Variants in LARGE1 observed in about 807,000 individuals in gnomAD.
LARGE1 encodes LARGE xylosyl- and glucuronyltransferase 1.
In LARGE1, 43 loss-of-function variants were observed where a neutral mutation model predicts 87.6. The ratio of observed to expected loss-of-function variants is 0.49; its 90% CI spans 0.38 to 0.63. The LOEUF (loss-of-function observed/expected upper bound fraction) is 0.63. LARGE1 is among the 30% of genes least tolerant of loss of function. LARGE1 has a pLI of 0.00. For missense variants in LARGE1, 802 were observed against 1,000.2 expected, an observed-to-expected ratio of 0.80 and a Z score of 2.67; for synonymous variants, 434 against 394.6, an observed-to-expected ratio of 1.10 and a Z score of -1.18.
chr22:33,827,332 T>C (rs908165861), intron 1 of LARGE1, among the ~76,000 whole-genome samples: 1 of 152,038 alleles, frequency 6.6e-6, no homozygotes, highest in South Asian at 2.1e-4. Flanking sequence ...ATCGCACTAC[T>C]GTACTCCAGC....
At chr22:33,124,342 GAC>G in the LARGE1 span, among the ~76,000 whole-genome samples, 354 of 40,222 alleles carry the variant, frequency 8.8e-3, 2 homozygotes, top group African/African-American at 0.041. Flanking sequence ...GAGACAAAGA[GAC>G]AAAGAAAGGA....
intron 7 of LARGE1, among the ~76,000 whole-genome samples, chr22:33,403,446 G>A (rs1385637214): frequency 6.6e-6 from 1 of 152,164 alleles, no homozygotes; most frequent in African/African-American, 2.4e-5. Flanking sequence ...AGGGAGTAGT[G>A]TCTCCTTATT....
chr22:33,904,903 T>G (rs1438786463), intron 1 of LARGE1, among the ~76,000 whole-genome samples: 1 of 152,026 alleles, frequency 6.6e-6, no homozygotes, highest in Non-Finnish European at 1.5e-5. Context: ...GGGCAATGTA[T>G]GAGCTTTAGG....
chr22:33,525,912 C>T (rs1463457226), intron 6 of LARGE1, among the ~76,000 whole-genome samples: 3 of 152,138 alleles, frequency 2.0e-5, no homozygotes, highest in African/African-American at 4.8e-5. Context: ...CAACATATTA[C>T]CCGGCAGCCC....
chr22:33,676,372 C>CAAAAAAAA lies in LARGE1; in HGVS notation c.107-25712_107-25705dup, dbSNP rs10567981. ...ACATCATATGTTACAGATTCAATGG[C>CAAAAAAAA]AAAAAAAAAAAAAAAAAAAAAAAAA... On this transcript the variant is annotated intron_variant, in intron 2 of 14. Coordinates refer to ENST00000397394, the MANE Select transcript of LARGE1 (RefSeq NM_133642.5). 1.9e-3 allele frequency among the ~76,000 whole-genome samples: 31 copies of CAAAAAAAA among 16,304 alleles called. 8 individuals carry two copies. Among genetic ancestry groups the CAAAAAAAA allele is most frequent in the South Asian group, 5.7e-3 (1 of 176 alleles). 10.7% of individuals were successfully genotyped at this position (16,304 alleles called of 152,430 possible). A position where few individuals can be genotyped will look rare whatever the true frequency, so the allele number is the denominator to read the frequency against.
chr22:33,887,167 C>A (rs563417442), intron 1 of LARGE1, among the ~76,000 whole-genome samples: 93 of 152,268 alleles, frequency 6.1e-4, no homozygotes, highest in Non-Finnish European at 1.2e-3. Flanking sequence ...ATGTCCCCCC[C>A]AAAATTGCTT....
intron 1 of LARGE1, among the ~76,000 whole-genome samples, chr22:33,877,870 C>T (rs899306479): frequency 4.0e-5 from 6 of 151,474 alleles, no homozygotes; most frequent in Non-Finnish European, 7.4e-5. Flanking sequence ...TGCAGTGAGC[C>T]GAGATCATGC....
chr22:33,642,783 CA>C (rs2080484313), intron 3 of LARGE1, among the ~76,000 whole-genome samples: 1 of 104,584 alleles, frequency 9.6e-6, no homozygotes, highest in Admixed American at 9.7e-5. Flanking sequence ...TTTAAATCAA[CA>C]AAGACCAAAA....
the LARGE1 span, among the ~76,000 whole-genome samples, chr22:33,102,536 C>T: frequency 6.6e-6 from 1 of 151,778 alleles, no homozygotes; most frequent in South Asian, 2.1e-4. Flanking sequence ...GTTGCCCAGG[C>T]TGGAGTGCAG....
At chr22:33,187,817 G>C (rs925834742) in intron 11 of LARGE1, among the ~76,000 whole-genome samples, 47 of 149,996 alleles carry the variant, frequency 3.1e-4, no homozygotes, top group Non-Finnish European at 4.3e-4. Flanking sequence ...CCAGCCACTC[G>C]GGAGGCTGAG....
intron 3 of LARGE1, among the ~76,000 whole-genome samples, chr22:33,636,701 T>A (rs1050263866): frequency 1.3e-5 from 2 of 151,752 alleles, no homozygotes; most frequent in Non-Finnish European, 1.5e-5. Context: ...CTAAGTTTTG[T>A]ATTTTTTTTT....
chr22:33,585,783 C>CA (rs2078654540), intron 5 of LARGE1, among the ~76,000 whole-genome samples: 1 of 152,228 alleles, frequency 6.6e-6, no homozygotes, highest in East Asian at 1.9e-4. Context: ...GGAGGAATCA[C>CA]TGTAGCTGCA....
intron 6 of LARGE1, among the ~76,000 whole-genome samples, chr22:33,447,444 G>T (rs1194055724): frequency 2.6e-5 from 4 of 151,850 alleles, no homozygotes; most frequent in African/African-American, 9.7e-5. Flanking sequence ...GCCGGGAGGT[G>T]AGAGTGCTTG....
chr22:33,738,820 G>A (rs534016215), intron 2 of LARGE1, among the ~76,000 whole-genome samples: 1 of 151,000 alleles, frequency 6.6e-6, no homozygotes, highest in African/African-American at 2.4e-5. Flanking sequence ...GCTCCAGCCT[G>A]GGTGACAGAG....
chr22:33,837,705 T>C (rs2063150295), intron 1 of LARGE1, among the ~76,000 whole-genome samples: 1 of 152,186 alleles, frequency 6.6e-6, no homozygotes, highest in Non-Finnish European at 1.5e-5. Flanking sequence ...CAGCTGCAGG[T>C]AGGGCTGAAG....
chr22:33,489,166 G>A (rs377421477), intron 6 of LARGE1, among the ~76,000 whole-genome samples: 4 of 152,214 alleles, frequency 2.6e-5, no homozygotes, highest in Admixed American at 2.6e-4. Flanking sequence ...AGCTTATACT[G>A]TAGCAGGAGA....
intron 2 of LARGE1, among the ~76,000 whole-genome samples, chr22:33,663,633 T>C (rs1174888393): frequency 6.6e-6 from 1 of 152,152 alleles, no homozygotes; most frequent in African/African-American, 2.4e-5. Context: ...AGTGTCAGGA[T>C]GGGGATGACG....
intron 2 of LARGE1, among the ~76,000 whole-genome samples, chr22:33,716,566 T>C (rs1569399599): frequency 6.6e-6 from 1 of 152,086 alleles, no homozygotes; most frequent in African/African-American, 2.4e-5. Flanking sequence ...CCAGCTAACT[T>C]ACATTATTTT....
chr22:33,343,785 C>T (rs772161038), intron 9 of LARGE1, among the ~76,000 whole-genome samples: 12 of 152,162 alleles, frequency 7.9e-5, no homozygotes, highest in Admixed American at 7.2e-4. Flanking sequence ...AAGCTTAAAA[C>T]AAAATCAGAT....
Sources: allele counts gnomAD v4.1 joint callset (sites outside exome capture counted in the v4.1 genomes callset), GRCh38; gene constraint gnomAD v4.1.1; transcripts MANE v1.5; gene names NCBI Gene and HGNC (gene_info 2026-07-23, HGNC 2026-07-21).